GRID2: variants seen among roughly 807,000 people sequenced by gnomAD.
GRID2 encodes glutamate ionotropic receptor delta type subunit 2, also known as glutamate receptor ionotropic, delta-2.
A neutral mutation model predicts 114.8 loss-of-function variants in GRID2; 33 were observed. That is an observed-to-expected ratio of 0.29 (90% CI 0.22 to 0.38). GRID2 has a LOEUF of 0.38. GRID2 is among the 10% of genes least tolerant of loss of function. The pLI, the probability that GRID2 is intolerant of heterozygous loss-of-function variation, is 1.00. For synonymous variants in GRID2, 505 were observed against 449.9 expected (o/e 1.12, Z -1.55); for missense variants, 1,184 against 1,257.7 (o/e 0.94, Z 0.89).
chr4:93,508,697 C>G (rs1300164027), intron 12 of GRID2, among the ~76,000 whole-genome samples: 2 of 152,118 alleles, frequency 1.3e-5, no homozygotes, highest in Non-Finnish European at 2.9e-5. Context: ...TTTCCAGACC[C>G]TGGGCTAGAT....
intron 1 of GRID2, among the ~76,000 whole-genome samples, chr4:92,541,775 CAG>C (rs767575592): frequency 1.9e-4 from 29 of 151,768 alleles, no homozygotes; most frequent in Non-Finnish European, 3.1e-4. Context: ...ATGATCCAGA[CAG>C]ATATTTCTGG....
intron 2 of GRID2, among the ~76,000 whole-genome samples, chr4:92,978,425 G>C (rs764716029): frequency 6.6e-6 from 1 of 152,054 alleles, no homozygotes; most frequent in Non-Finnish European, 1.5e-5. Context: ...CTTCAGTGCA[G>C]TATCTGGAAC....
chr4:92,704,701 ATCTCTC>A (rs778705188), intron 2 of GRID2, among the ~76,000 whole-genome samples: 4 of 113,666 alleles, frequency 3.5e-5, no homozygotes, highest in Non-Finnish European at 7.4e-5. Context: ...CAATCAATCA[ATCTCTC>A]TCTCTCTCTC....
intron 2 of GRID2, among the ~76,000 whole-genome samples, chr4:93,029,913 CT>C (rs1232870055): frequency 6.6e-6 from 1 of 152,144 alleles, no homozygotes; most frequent in Non-Finnish European, 1.5e-5. Context: ...CCAGGCTGCT[CT>C]TTCTTAGCAT....
At chr4:93,193,972 A>G (rs562040098) in intron 4 of GRID2, among the ~76,000 whole-genome samples, 6 of 152,308 alleles carry the variant, frequency 3.9e-5, no homozygotes, top group South Asian at 4.1e-4. Flanking sequence ...AAAACTGACT[A>G]AAGGGCAGAA....
At chr4:93,157,768 C>A (rs1737315271) in intron 4 of GRID2, among the ~76,000 whole-genome samples, 1 of 151,642 alleles carries the variant, frequency 6.6e-6, no homozygotes, top group Admixed American at 6.6e-5. Context: ...AACTCTCATG[C>A]TCTCTCGCTA....
At chr4:93,422,709 T>TA in intron 9 of GRID2, 62 bp from the exon 10 acceptor site, 1 of 1,003,254 alleles carries the variant, frequency 1.0e-6, no homozygotes, top group Non-Finnish European at 1.5e-6. Context: ...TTTAAAGAAT[T>TA]AATCTTTGCT....
intron 2 of GRID2, among the ~76,000 whole-genome samples, chr4:92,671,517 G>A (rs1394217451): frequency 6.6e-6 from 1 of 152,140 alleles, no homozygotes; most frequent in Non-Finnish European, 1.5e-5. Flanking sequence ...TGAACTGGCA[G>A]TTGAAATAGT....
intron 4 of GRID2, among the ~76,000 whole-genome samples, chr4:93,174,210 A>C (rs1018697089): frequency 1.3e-5 from 2 of 152,190 alleles, no homozygotes; most frequent in Admixed American, 6.5e-5. Flanking sequence ...CGCCACAGCC[A>C]AGAGAGAGAA....
At chr4:93,460,658 A>G (rs765470943) in intron 11 of GRID2, among the ~76,000 whole-genome samples, 3 of 152,042 alleles carry the variant, frequency 2.0e-5, no homozygotes, top group Non-Finnish European at 2.9e-5. Flanking sequence ...CTCTTTGCTT[A>G]TAGTTAAGTG....
intron 1 of GRID2, among the ~76,000 whole-genome samples, chr4:92,436,179 ATTC>A (rs1732727223): frequency 6.6e-6 from 1 of 152,158 alleles, no homozygotes; most frequent in African/African-American, 2.4e-5. Flanking sequence ...TAAATTAATA[ATTC>A]TTGGAGGATA....
chr4:93,048,300 C>G (rs889299902), intron 2 of GRID2, among the ~76,000 whole-genome samples: 5 of 152,082 alleles, frequency 3.3e-5, no homozygotes, highest in Admixed American at 2.6e-4. Context: ...TTTATCCTTT[C>G]TCTGGTTTTC....
rs202004077 is a variant in GRID2 at position 92,384,137 on chromosome 4, ATGTGTGGGTG to A, written c.88+79400_88+79409del. On this transcript the variant is annotated intron_variant, in intron 1 of 15. Coordinates refer to ENST00000282020, the MANE Select transcript of GRID2 (RefSeq NM_001510.4). ...TGGCAGTGTGTGTATATGTGTGTGTATGTGTGGGTGTGTGTGTGTCTGCGTGTGAAGTGGC... is the reference window on the plus strand; with the variant it reads ...TGGCAGTGTGTGTATATGTGTGTGTATGTGTGTGTCTGCGTGTGAAGTGGC... Among the ~76,000 whole-genome samples the A allele has an allele frequency of 5.6e-3, 848 of 150,944 alleles. 5 individuals carry two copies. Among genetic ancestry groups the A allele is most frequent in the African/African-American group, 0.018 (751 of 41,254 alleles).
At chr4:93,694,399 G>C (rs949451417) in intron 14 of GRID2, among the ~76,000 whole-genome samples, 3 of 152,110 alleles carry the variant, frequency 2.0e-5, no homozygotes, top group African/African-American at 4.8e-5. Flanking sequence ...TCCTCATGTT[G>C]ATTTACAGCT....
chr4:92,463,897 C>T (rs1721616009), intron 1 of GRID2, among the ~76,000 whole-genome samples: 1 of 151,824 alleles, frequency 6.6e-6, no homozygotes, highest in African/African-American at 2.4e-5. Flanking sequence ...AGAATCTTAT[C>T]TTCCCATCTC....
chr4:93,119,197 T>C lies in GRID2; in HGVS notation c.735+8244T>C, dbSNP rs149470292. ...AGCTTTAAGAAAAATACTGCAGTTA[T>C]GTGCAGCTGAGTATATAAACCTGCT... On this transcript the variant is annotated intron_variant, in intron 4 of 15. Transcript: ENST00000282020. Among the ~76,000 whole-genome samples, 943 of 152,300 alleles carry C rather than the reference T, an allele frequency of 6.2e-3. 17 individuals carry two copies. The highest frequency in any genetic ancestry group is 0.022 in the African/African-American group (916 of 41,564).
intron 14 of GRID2, among the ~76,000 whole-genome samples, chr4:93,696,449 C>T (rs1485196869): frequency 6.6e-6 from 1 of 151,816 alleles, no homozygotes; most frequent in African/African-American, 2.4e-5. Flanking sequence ...GGCTATAAGA[C>T]GTTGCTGCAG....
intron 8 of GRID2, among the ~76,000 whole-genome samples, chr4:93,369,325 A>C (rs551027087): frequency 2.0e-5 from 3 of 152,288 alleles, no homozygotes; most frequent in African/African-American, 4.8e-5. Context: ...GTGCATATTC[A>C]TGTAATCTAG....
intron 1 of GRID2, among the ~76,000 whole-genome samples, chr4:92,333,158 G>C (rs1303743946): frequency 6.6e-6 from 1 of 152,232 alleles, no homozygotes; most frequent in Non-Finnish European, 1.5e-5. Flanking sequence ...ATGAAGGCCA[G>C]AATGGCCCCA....
Sources: allele counts gnomAD v4.1 joint callset (sites outside exome capture counted in the v4.1 genomes callset), GRCh38; gene constraint gnomAD v4.1.1; transcripts MANE v1.5; gene names NCBI Gene and HGNC (gene_info 2026-07-23, HGNC 2026-07-21).